CCNY: variants seen among roughly 807,000 people sequenced by gnomAD.
CCNY encodes the protein cyclin Y.
Under a neutral mutation model 42.8 loss-of-function variants are expected in CCNY, and 19 were observed. The ratio of observed to expected loss-of-function variants is 0.44; its 90% CI spans 0.31 to 0.65. CCNY has a LOEUF of 0.65. Among genes scored for constraint, CCNY ranks in the 30% least tolerant of loss-of-function variants. The pLI is 0.07. For missense variants in CCNY, 370 were observed against 437.3 expected, an observed-to-expected ratio of 0.85 and a Z score of 1.37; for synonymous variants, 165 against 162.7, an observed-to-expected ratio of 1.01 and a Z score of -0.11.
At chr10:35,254,489 A>G (rs1039779028) in intron 3 of CCNY, among the ~76,000 whole-genome samples, 10 of 152,098 alleles carry the variant, frequency 6.6e-5, no homozygotes, top group African/African-American at 2.4e-4. Context: ...CTGACCTATT[A>G]CATGTTATTT....
chr10:35,526,025 A>G, intron 5 of CCNY, 26 bp downstream of exon 5: 2 of 1,592,952 alleles, frequency 1.3e-6, no homozygotes, highest in Non-Finnish European at 1.7e-6. Context: ...TGTGCTAAAA[A>G]CATCATACGT....
intron 8 of CCNY, among the ~76,000 whole-genome samples, chr10:35,557,238 T>G (rs1046731223): frequency 6.6e-5 from 10 of 152,238 alleles, no homozygotes; most frequent in African/African-American, 9.6e-5. Context: ...AACTCACAGT[T>G]ACCCATTTTC....
intron 1 of CCNY, among the ~76,000 whole-genome samples, chr10:35,428,185 T>C (rs1250301887): frequency 1.3e-5 from 2 of 152,100 alleles, no homozygotes; most frequent in Non-Finnish European, 2.9e-5. Flanking sequence ...TTCTTTACAG[T>C]CTAATGGGAG....
intron 3 of CCNY, among the ~76,000 whole-genome samples, chr10:35,275,240 G>GT (rs1405151359): frequency 1.3e-5 from 2 of 150,768 alleles, no homozygotes; most frequent in African/African-American, 4.9e-5. Context: ...ATTTTTTTGT[G>GT]TTTTTAGTAG....
chr10:35,260,147 C>G (rs895204431), intron 3 of CCNY, among the ~76,000 whole-genome samples: 2 of 152,132 alleles, frequency 1.3e-5, no homozygotes, highest in Admixed American at 1.3e-4. Context: ...TTTCTCCTCT[C>G]CCCCATGCCT....
chr10:35,247,704 G>A (rs1212339350), intron 1 of CCNY, among the ~76,000 whole-genome samples: 17 of 151,420 alleles, frequency 1.1e-4, no homozygotes, highest in South Asian at 2.1e-4. Context: ...GTGAAACCCC[G>A]TCTCTACTAA....
intron 1 of CCNY, among the ~76,000 whole-genome samples, chr10:35,357,373 A>G (rs965351394): frequency 2.6e-5 from 4 of 152,230 alleles, no homozygotes; most frequent in African/African-American, 9.6e-5. Flanking sequence ...CACCTAACAC[A>G]GTACTTAGCA....
chr10:35,534,173 C>T (rs1840830128), intron 7 of CCNY, among the ~76,000 whole-genome samples: 1 of 152,168 alleles, frequency 6.6e-6, no homozygotes, highest in Admixed American at 6.5e-5. Context: ...AGGCTTGCGC[C>T]ACCATGCCCT....
intron 1 of CCNY, among the ~76,000 whole-genome samples, chr10:35,461,447 G>GGGA (rs144621908): frequency 0.01 from 1,580 of 152,292 alleles, 24 homozygotes; most frequent in African/African-American, 0.036. Context: ...AAGGCAGACA[G>GGGA]GGAGGATCAC....
chr10:35,350,559 C>T (rs1023354872), intron 1 of CCNY, among the ~76,000 whole-genome samples: 13 of 152,182 alleles, frequency 8.5e-5, no homozygotes, highest in African/African-American at 3.1e-4. Context: ...TTTGAAATCT[C>T]AGCTGCAGCA....
At chr10:35,264,636 C>A (rs1184315921) in intron 3 of CCNY, among the ~76,000 whole-genome samples, 1 of 151,938 alleles carries the variant, frequency 6.6e-6, no homozygotes, top group Non-Finnish European at 1.5e-5. Context: ...TGTTCAGGTC[C>A]TTTGCCCAGT....
intron 1 of CCNY, among the ~76,000 whole-genome samples, chr10:35,343,793 T>C (rs1836239733): frequency 6.6e-6 from 1 of 152,228 alleles, no homozygotes; most frequent in South Asian, 2.1e-4. Flanking sequence ...AGAAGCAGGA[T>C]ATGTGTGTGG....
chr10:35,380,179 C>T (rs890709984), intron 1 of CCNY, among the ~76,000 whole-genome samples: 6 of 152,208 alleles, frequency 3.9e-5, no homozygotes, highest in African/African-American at 1.4e-4. Flanking sequence ...TCCTCGAGGG[C>T]TTGGATCTGG....
At chr10:35,304,315 T>TA (rs1564363222) in intron 3 of CCNY, among the ~76,000 whole-genome samples, 1 of 56,612 alleles carries the variant, frequency 1.8e-5, no homozygotes, top group East Asian at 5.4e-4. Context: ...TTTTTTATTT[T>TA]TTATTTTTTT....
chr10:35,370,682 C>T (rs1007611721), intron 1 of CCNY, among the ~76,000 whole-genome samples: 1 of 151,716 alleles, frequency 6.6e-6, no homozygotes, highest in African/African-American at 2.4e-5. Context: ...ACTTTTCTTC[C>T]TTTGGTTAAC....
Position 35,336,774 on chromosome 10 carries a change from C to CG in CCNY, c.-279dup, listed in dbSNP as rs1436252767. 2 of 147,012 alleles carry CG rather than the reference C, an allele frequency of 1.4e-5. No individual in the cohort carries two copies. Among genetic ancestry groups the CG allele is most frequent in the African/African-American group, 4.9e-5 (2 of 40,828 alleles). 9.1% of individuals were successfully genotyped at this position (147,012 alleles called of 1,614,324 possible). On this transcript the variant is annotated 5_prime_UTR_variant, in exon 1 of 10. Transcript: ENST00000374704. ...GTGAGGTAGGCGCGGCGGCCGCAGT[C>CG]GCGCGGACCCGAGCGCTCCTCCGCC...
intron 1 of CCNY, among the ~76,000 whole-genome samples, chr10:35,363,053 C>T (rs550736907): frequency 6.8e-6 from 1 of 148,032 alleles, no homozygotes; most frequent in South Asian, 2.2e-4. Flanking sequence ...GGAGACGCTC[C>T]TCACTTCCCA....
chr10:35,367,726 CAGTGCCTCTTCCCCTTAG>C lies in CCNY; in HGVS notation c.154+30522_154+30539del, dbSNP rs1424731880. On this transcript the variant is annotated intron_variant, in intron 1 of 9. Coordinates refer to ENST00000374704, the MANE Select transcript of CCNY (RefSeq NM_145012.6). ...TAGGGTTGTCAGCGTGCGCCCATGT[CAGTGCCTCTTCCCCTTAG>C]AGACTATTGCAGGTCTGCAGTTAAA... is the stretch of plus-strand genomic sequence containing the variant. 5.9e-5 allele frequency among the ~76,000 whole-genome samples: 9 copies of C among 152,330 alleles called. No homozygotes were observed. In the East Asian group the frequency reaches 1.3e-3, roughly 23 times the overall value.
At chr10:35,370,293 A>G (rs1203655127) in intron 1 of CCNY, among the ~76,000 whole-genome samples, 4 of 152,058 alleles carry the variant, frequency 2.6e-5, no homozygotes, top group African/African-American at 7.2e-5. Flanking sequence ...CTGGGACTAC[A>G]GGTGCCTGCC....
Sources: gnomAD v4.1 joint callset for allele counts (sites outside exome capture counted in the v4.1 genomes callset) on GRCh38, gnomAD v4.1.1 for gene constraint, MANE v1.5 for transcripts, NCBI Gene and HGNC (gene_info 2026-07-23, HGNC 2026-07-21) for gene names.